The following GALNTL6 variants were observed in gnomAD, a reference collection of about 807,000 sequenced individuals.
The protein encoded by GALNTL6 is polypeptide N-acetylgalactosaminyltransferase-like 6.
In GALNTL6, 46 loss-of-function variants were observed where a neutral mutation model predicts 73.7. The observed-to-expected ratio is 0.62, with a 90% confidence interval of 0.49 to 0.80. The LOEUF (loss-of-function observed/expected upper bound fraction) is 0.80. Among genes scored for constraint, GALNTL6 ranks in the 30% least tolerant of loss-of-function variants. GALNTL6 has a pLI of 0.00. For missense variants in GALNTL6, 604 were observed against 755.0 expected (o/e 0.80, Z 2.34); for synonymous variants, 259 against 263.7 (o/e 0.98, Z 0.17).
chr4:172,814,104 A>G (rs1178232192), intron 7 of GALNTL6, among the ~76,000 whole-genome samples: 1 of 152,202 alleles, frequency 6.6e-6, no homozygotes, highest in Non-Finnish European at 1.5e-5. Flanking sequence ...TTCTTTTATT[A>G]GAAATTGATA....
intron 5 of GALNTL6, among the ~76,000 whole-genome samples, chr4:172,395,825 T>C (rs1309405626): frequency 1.3e-5 from 2 of 152,120 alleles, no homozygotes; most frequent in African/African-American, 4.8e-5. Context: ...TTAGTGGAAA[T>C]CAACCGGCAA....
intron 2 of GALNTL6, among the ~76,000 whole-genome samples, chr4:171,921,616 GC>G (rs1220920401): frequency 6.6e-6 from 1 of 152,046 alleles, no homozygotes; most frequent in Non-Finnish European, 1.5e-5. Flanking sequence ...GAAATTTACA[GC>G]CAAAACAAAG....
intron 2 of GALNTL6, among the ~76,000 whole-genome samples, chr4:172,097,864 T>G (rs1324574726): frequency 6.6e-6 from 1 of 152,092 alleles, no homozygotes; most frequent in Admixed American, 6.6e-5. Flanking sequence ...CTCTTTGATA[T>G]GAAGCTATTC....
chr4:172,643,361 T>C (rs1343525805), intron 5 of GALNTL6, among the ~76,000 whole-genome samples: 1 of 151,982 alleles, frequency 6.6e-6, no homozygotes, highest in Non-Finnish European at 1.5e-5. Flanking sequence ...AGAATTTAAA[T>C]TGAATGTGGT....
chr4:171,978,780 A>G (rs966625908), intron 2 of GALNTL6, among the ~76,000 whole-genome samples: 2 of 152,046 alleles, frequency 1.3e-5, no homozygotes, highest in African/African-American at 2.4e-5. Flanking sequence ...ATGTAAAACT[A>G]AAAGCATTTT....
intron 10 of GALNTL6, among the ~76,000 whole-genome samples, chr4:172,981,777 C>G (rs1579739881): frequency 6.9e-6 from 1 of 144,270 alleles, no homozygotes; most frequent in African/African-American, 2.6e-5. Context: ...CTATAGAATG[C>G]TTTGAGTAGT....
At chr4:172,077,467 G>A (rs1731735413) in intron 2 of GALNTL6, among the ~76,000 whole-genome samples, 1 of 152,102 alleles carries the variant, frequency 6.6e-6, no homozygotes, top group Non-Finnish European at 1.5e-5. Flanking sequence ...CAAAGAGCCT[G>A]GCAGCTTTTG....
chr4:172,880,974 C>T (rs558107592), intron 7 of GALNTL6, among the ~76,000 whole-genome samples: 1 of 152,270 alleles, frequency 6.6e-6, no homozygotes, highest in Non-Finnish European at 1.5e-5. Context: ...AACACTGTAT[C>T]TATGGTGGTT....
intron 2 of GALNTL6, among the ~76,000 whole-genome samples, chr4:172,171,920 A>G (rs1054411189): frequency 4.6e-5 from 7 of 152,188 alleles, no homozygotes; most frequent in African/African-American, 1.7e-4. Flanking sequence ...CCATCCATGT[A>G]GCCCAGCTCA....
At chr4:172,089,836 T>C (rs1351585038) in intron 2 of GALNTL6, among the ~76,000 whole-genome samples, 2 of 152,210 alleles carry the variant, frequency 1.3e-5, no homozygotes, top group African/African-American at 4.8e-5. Context: ...TTTCTTCTAA[T>C]GCTATCCTTC....
At chr4:172,472,450 C>T (rs578161195) in intron 5 of GALNTL6, among the ~76,000 whole-genome samples, 2 of 152,182 alleles carry the variant, frequency 1.3e-5, no homozygotes, top group South Asian at 2.1e-4. Context: ...AAACTGAGCT[C>T]ATATGATTTT....
chr4:171,861,267 C>G (rs1735824554), intron 2 of GALNTL6, among the ~76,000 whole-genome samples: 1 of 152,100 alleles, frequency 6.6e-6, no homozygotes, highest in Non-Finnish European at 1.5e-5. Context: ...ACTTCTGGTT[C>G]AATGCTTTAA....
intron 10 of GALNTL6, among the ~76,000 whole-genome samples, chr4:172,991,832 T>C (rs1362579705): frequency 1.2e-4 from 18 of 152,268 alleles, no homozygotes. Flanking sequence ...AGCAGATCAA[T>C]ATTTTAAGAA....
intron 2 of GALNTL6, among the ~76,000 whole-genome samples, chr4:171,967,374 C>T (rs1315790472): frequency 6.6e-6 from 1 of 150,722 alleles, no homozygotes. Context: ...CCAGTTGAGA[C>T]TTTAGGTCAT....
chr4:172,950,506 A>G (rs1749391978), intron 9 of GALNTL6, among the ~76,000 whole-genome samples: 1 of 152,208 alleles, frequency 6.6e-6, no homozygotes, highest in Admixed American at 6.5e-5. Flanking sequence ...AAAGCACCCA[A>G]GGAGTGCACA....
intron 5 of GALNTL6, among the ~76,000 whole-genome samples, chr4:172,641,045 T>G (rs2111121672): frequency 6.6e-6 from 1 of 152,192 alleles, no homozygotes; most frequent in South Asian, 2.1e-4. Flanking sequence ...TGACCCTCTC[T>G]TCTCTAACTG....
intron 6 of GALNTL6, among the ~76,000 whole-genome samples, chr4:172,812,693 C>T (rs565168496): frequency 2.0e-5 from 3 of 152,042 alleles, no homozygotes; most frequent in Admixed American, 1.3e-4. Flanking sequence ...GATTGTTAAG[C>T]AGAGGTTGCA....
chr4:171,853,525 A>T (rs538352824), intron 2 of GALNTL6, among the ~76,000 whole-genome samples: 165 of 49,194 alleles, frequency 3.4e-3, no homozygotes, highest in African/African-American at 4.6e-3. Context: ...CTTTTCCTTT[A>T]TCTTGCCTTT....
chr4:171,857,479 T>C (rs1336100345), intron 2 of GALNTL6, among the ~76,000 whole-genome samples: 1 of 151,832 alleles, frequency 6.6e-6, no homozygotes, highest in East Asian at 1.9e-4. Context: ...CCATAAGGAG[T>C]GGGCTGATAA....
Sources: gnomAD v4.1 joint callset for allele counts (sites outside exome capture counted in the v4.1 genomes callset) on GRCh38, gnomAD v4.1.1 for gene constraint, MANE v1.5 for transcripts, NCBI Gene and HGNC (gene_info 2026-07-23, HGNC 2026-07-21) for gene names.